The following PSG3 variants were observed in gnomAD, a reference collection of about 807,000 sequenced individuals.
The protein encoded by PSG3 is pregnancy-specific beta-1-glycoprotein 3.
In PSG3, 61 loss-of-function variants were observed where a neutral mutation model predicts 47.5. The ratio of observed to expected loss-of-function variants is 1.28; its 90% CI spans 1.05 to 1.59. PSG3 has a LOEUF of 1.59. Among genes scored for constraint, PSG3 ranks in the 40% most tolerant of loss-of-function variants. The pLI, the probability that PSG3 is intolerant of heterozygous loss-of-function variation, is 0.00. For synonymous variants in PSG3, 263 were observed against 198.4 expected (o/e 1.33, Z -2.74); for missense variants, 756 against 524.0 (o/e 1.44, Z -4.32).
At chr19:42,729,020 A>G in intron 5 of PSG3, 103 bp downstream of exon 5, 2 of 1,598,640 alleles carry the variant, frequency 1.3e-6, no homozygotes, top group Non-Finnish European at 1.7e-6. Context: ...GCTTGTGCCC[A>G]TGGGACACAG....
At chr19:42,735,534 T>G (rs1380282510) in intron 2 of PSG3, among the ~76,000 whole-genome samples, 1 of 152,058 alleles carries the variant, frequency 6.6e-6, no homozygotes, top group East Asian at 1.9e-4. Context: ...GTCCAGCTAA[T>G]TTTTTGTATT....
rs1373209231 is a variant in PSG3, at chr19:42,721,772, C to G, written c.*359G>C. ...TTACAAAAGTATACTTTACCAATTG[C>G]TGAAGAAAAAAAGTGCATAAATCTG... On this transcript the variant is annotated 3_prime_UTR_variant, in exon 7 of 7. Coordinates refer to ENST00000327495, the MANE Select transcript of PSG3 (RefSeq NM_021016.4). 2.5e-6 allele frequency: 1 copy of G among 404,280 alleles called. No homozygotes were observed. Among genetic ancestry groups the G allele is most frequent in the African/African-American group, 2.1e-5 (1 of 48,468 alleles). 25.0% of individuals were successfully genotyped at this position (404,280 alleles called of 1,614,324 possible). A position where few individuals can be genotyped will look rare whatever the true frequency, so the allele number is the denominator to read the frequency against.
rs149820484 is a variant in PSG3 at position 42,729,177 on chromosome 19, G to C, written c.1189C>G (p.Arg397Gly). The change falls in exon 5 of 7, where the codon CGT becomes GGT. Residue 397 changes from arginine (R) to glycine (G), a missense_variant. Coordinates refer to ENST00000327495, the MANE Select transcript of PSG3 (RefSeq NM_021016.4). ...CTTTCCATGCCAGTGGCTGAGTTAC[G>C]AACAGAGCAAGCATAGAGCCCGCTA... is the stretch of plus-strand genomic sequence containing the variant. ...KHSGLYACSV[R>G]NSATGMESSK... is the part of the protein sequence containing the mutation. The C allele has an allele frequency of 6.0e-3, 9,657 of 1,613,954 alleles. 46 individuals are homozygous for C. The highest frequency in any genetic ancestry group is 0.011 in the South Asian group (1,031 of 91,072).
intron 3 of PSG3, among the ~76,000 whole-genome samples, chr19:42,731,105 G>T (rs1310784937): frequency 1.3e-5 from 2 of 152,220 alleles, no homozygotes; most frequent in African/African-American, 4.8e-5. Flanking sequence ...GGAGCTGGGA[G>T]TGGGGAGAAT....
chr19:42,725,329 G>T (rs188439648), intron 5 of PSG3, among the ~76,000 whole-genome samples: 2 of 151,944 alleles, frequency 1.3e-5, no homozygotes, highest in Non-Finnish European at 2.9e-5. Flanking sequence ...AAGATCTCAG[G>T]TCAACAACCT....
chr19:42,724,652 G>T (rs1969347832), intron 5 of PSG3, among the ~76,000 whole-genome samples: 1 of 151,918 alleles, frequency 6.6e-6, no homozygotes. Context: ...GCTCTGCATA[G>T]TGGTCTGTGG....
At chr19:42,737,544 C>G (rs1729183096) in intron 2 of PSG3, among the ~76,000 whole-genome samples, 1 of 152,070 alleles carries the variant, frequency 6.6e-6, no homozygotes, top group Admixed American at 6.5e-5. Context: ...CATGTTTTTT[C>G]CACTGACTCT....
intron 6 of PSG3, among the ~76,000 whole-genome samples, chr19:42,723,442 G>A (rs1851083285): frequency 6.6e-6 from 1 of 152,168 alleles, no homozygotes; most frequent in Non-Finnish European, 1.5e-5. Flanking sequence ...GAAGTGAGAA[G>A]GCTTAGTAAA....
rs191295152 is a variant in PSG3 at position 42,726,100 on chromosome 19, A to G, written c.1244-2075T>C. On this transcript the variant is annotated intron_variant, in intron 5 of 6. Transcript: ENST00000327495. ...TCAATAAAACATTTGATGAAATTCAATATTTTTTCATAATAAAAACTTTCT... is the reference window on the plus strand; with the variant it reads ...TCAATAAAACATTTGATGAAATTCAGTATTTTTTCATAATAAAAACTTTCT... Among the ~76,000 whole-genome samples the G allele has an allele frequency of 8.5e-3, 1,294 of 152,250 alleles. 9 individuals carry two copies. The highest frequency in any genetic ancestry group is 0.011 in the Admixed American group (162 of 15,296).
chr19:42,729,199 G>C lies in PSG3; in HGVS notation c.1167C>G (p.Ser389Arg). ...LFIPQITTKH[S>R]GLYACSVRNS... ...TACGAACAGAGCAAGCATAGAGCCC[G>C]CTATGCTTTGTAGTAATCTGGGGGA... Residue 389 changes from serine (S) to arginine (R), a missense_variant, in exon 5 of 7, where the codon AGC becomes AGG. Coordinates refer to ENST00000327495, the MANE Select transcript of PSG3 (RefSeq NM_021016.4). 2 of 1,614,002 alleles carry C rather than the reference G, an allele frequency of 1.2e-6. No homozygotes were observed. The highest frequency in any genetic ancestry group is 1.7e-6 in the Non-Finnish European group (2 of 1,179,882).
At chr19:42,740,217 G>T in intron 1 of PSG3, 104 bp downstream of exon 1, 1 of 1,604,828 alleles carries the variant, frequency 6.2e-7, no homozygotes, top group Non-Finnish European at 8.5e-7. Context: ...CTCCCTAAGT[G>T]CTGGCTTCTT....
chr19:42,734,089 T>C (rs1046246330), intron 2 of PSG3: 3 of 152,186 alleles, frequency 2.0e-5, no homozygotes, highest in African/African-American at 7.2e-5. Context: ...TGTAGAATAG[T>C]AGTTTCCAGG....
chr19:42,729,455 T>A lies in PSG3; in HGVS notation c.989-78A>T, dbSNP rs1969433607. The A allele has an allele frequency of 2.6e-6, 4 of 1,548,472 alleles. No individual in the cohort carries two copies. The Admixed American group carries it at 5.8e-5, about 22-fold the overall frequency. ...CTCCTGGTCTCTTAAAGGGACACAG[T>A]GACCCTCTGAGCCAAGACACACCCT... On this transcript the variant is annotated intron_variant, in intron 4 of 6. Transcript: ENST00000327495.
At chr19:42,737,075 G>C (rs2122195554) in intron 2 of PSG3, among the ~76,000 whole-genome samples, 2 of 152,260 alleles carry the variant, frequency 1.3e-5, no homozygotes, top group Middle Eastern at 6.8e-3. Flanking sequence ...GCAGTGAGCA[G>C]TGAGGGCTAC....
chr19:42,737,972 G>A (rs551751098), intron 2 of PSG3, among the ~76,000 whole-genome samples: 100 of 152,338 alleles, frequency 6.6e-4, no homozygotes, highest in East Asian at 3.7e-3. Flanking sequence ...CCATGAGAAA[G>A]CACCTTTATG....
chr19:42,727,091 G>T (rs1167227507), intron 5 of PSG3, among the ~76,000 whole-genome samples: 1 of 152,180 alleles, frequency 6.6e-6, no homozygotes. Flanking sequence ...AAGAACAGTG[G>T]AACCTTTACC....
At chr19:42,723,858 G>C (rs1359963724) in intron 6 of PSG3, 84 bp downstream of exon 6, 1 of 1,102,502 alleles carries the variant, frequency 9.1e-7, no homozygotes, top group Non-Finnish European at 1.4e-6. Flanking sequence ...TCCAGTCCCA[G>C]ATACAGGCAA....
intron 2 of PSG3, among the ~76,000 whole-genome samples, chr19:42,736,383 A>T (rs1399019052): frequency 4.6e-5 from 7 of 152,108 alleles, no homozygotes; most frequent in Non-Finnish European, 8.8e-5. Context: ...GTCCCTACCT[A>T]GAGGTGGATT....
Position 42,732,975 on chromosome 19 carries a change from G to T in PSG3, c.518C>A (p.Thr173Asn). 1 of 1,614,170 alleles carries T rather than the reference G, an allele frequency of 6.2e-7. No individual in the cohort carries two copies. Among genetic ancestry groups the T allele is most frequent in the South Asian group, 1.1e-5 (1 of 91,082 alleles). The change falls in exon 3 of 7, where the codon ACT (threonine) becomes AAT (asparagine). Residue 173 changes from threonine to asparagine, a missense_variant. By Grantham distance (65) the Thr-to-Asn change is moderately conservative. Transcript: ENST00000327495. ...CCACCACAGGTAGCTTGCGTCCGGAGTCTCAGGATCACAGGTTAAGCTCAC... is the reference window on the plus strand; with the variant it reads ...CCACCACAGGTAGCTTGCGTCCGGATTCTCAGGATCACAGGTTAAGCTCAC... ...EAVSLTCDPE[T>N]PDASYLWWMN...
Sources: allele counts gnomAD v4.1 joint callset (sites outside exome capture counted in the v4.1 genomes callset), GRCh38; gene constraint gnomAD v4.1.1; transcripts MANE v1.5; gene names NCBI Gene and HGNC (gene_info 2026-07-23, HGNC 2026-07-21).